The following PAM variants were observed in gnomAD, a reference collection of about 807,000 sequenced individuals.
PAM encodes peptidyl-glycine alpha-amidating monooxygenase.
A neutral mutation model predicts 122.1 loss-of-function variants in PAM; 72 were observed. The ratio of observed to expected loss-of-function variants is 0.59; its 90% CI spans 0.49 to 0.72. The LOEUF (loss-of-function observed/expected upper bound fraction) is 0.72, where lower values mean the gene tolerates loss of function less well. PAM is among the 30% of genes least tolerant of loss of function. PAM has a pLI of 0.00. For synonymous variants in PAM, 389 were observed against 404.4 expected (o/e 0.96, Z 0.46); for missense variants, 1,106 against 1,183.7 (o/e 0.93, Z 0.96).
chr5:102,756,163 T>C (rs79258277), intron 1 of PAM, among the ~76,000 whole-genome samples: 4,369 of 152,298 alleles, frequency 0.029, 109 homozygotes, highest in East Asian at 0.14. Flanking sequence ...TACGTGATTT[T>C]GAGCACGGTC....
At chr5:102,791,223 A>C (rs1354673871) in intron 1 of PAM, among the ~76,000 whole-genome samples, 1 of 152,062 alleles carries the variant, frequency 6.6e-6, no homozygotes, top group African/African-American at 2.4e-5. Context: ...ACTTTCTTAA[A>C]ATAAATTTCT....
At chr5:102,881,129 T>TATACACACACACAC (rs145380302) in intron 3 of PAM, among the ~76,000 whole-genome samples, 12 of 145,710 alleles carry the variant, frequency 8.2e-5, no homozygotes, top group African/African-American at 3.1e-4. Flanking sequence ...TTTTTATACA[T>TATACACACACACAC]ACACACACAC....
At chr5:103,021,108 T>C (rs2151295042) in intron 23 of PAM, among the ~76,000 whole-genome samples, 1 of 152,304 alleles carries the variant, frequency 6.6e-6, no homozygotes, top group East Asian at 1.9e-4. Context: ...ATTTAATCCT[T>C]ATGCCAACCA....
chr5:102,994,326 T>G (rs541333658), intron 16 of PAM, among the ~76,000 whole-genome samples: 4 of 152,290 alleles, frequency 2.6e-5, no homozygotes, highest in Admixed American at 2.0e-4. Context: ...TAATACAGGA[T>G]TAATTTATTC....
At chr5:102,904,340 C>G (rs1798900667) in intron 4 of PAM, among the ~76,000 whole-genome samples, 1 of 150,916 alleles carries the variant, frequency 6.6e-6, no homozygotes, top group African/African-American at 2.4e-5. Flanking sequence ...GATTTTATAC[C>G]TTCTGTTTTC....
rs553493423 is a variant in PAM, at chr5:102,812,849, T to C, written c.-373-52974T>C. Among the ~76,000 whole-genome samples, 154 of 152,220 alleles carry C rather than the reference T, an allele frequency of 1.0e-3. 1 individual carries two copies. The highest frequency in any genetic ancestry group is 3.5e-3 in the African/African-American group (145 of 41,576). Reference sequence around the variant, plus strand: ...CAAAAATACCTCCATAAATAAAATATACATTTAGTTATTTCTTTATGTACA... The same window carrying C: ...CAAAAATACCTCCATAAATAAAATACACATTTAGTTATTTCTTTATGTACA... On this transcript the variant is annotated intron_variant, in intron 1 of 25. Transcript: ENST00000438793.
intron 1 of PAM, among the ~76,000 whole-genome samples, chr5:102,859,846 T>C (rs1397634727): frequency 1.3e-5 from 2 of 152,194 alleles, no homozygotes; most frequent in African/African-American, 4.8e-5. Context: ...AGCATTATGT[T>C]TGAGTTGTTT....
At chr5:103,017,635 C>T (rs1292230438) in intron 22 of PAM, among the ~76,000 whole-genome samples, 1 of 152,090 alleles carries the variant, frequency 6.6e-6, no homozygotes, top group African/African-American at 2.4e-5. Flanking sequence ...CCCTTGTTTC[C>T]ACAGGAAATT....
chr5:102,997,903 G>A (rs1776208897), intron 16 of PAM, among the ~76,000 whole-genome samples: 2 of 152,130 alleles, frequency 1.3e-5, no homozygotes, highest in South Asian at 2.1e-4. Context: ...TGACCTGACT[G>A]GCACAAGGAC....
intron 4 of PAM, among the ~76,000 whole-genome samples, chr5:102,904,100 C>G (rs1798819018): frequency 6.6e-6 from 1 of 151,374 alleles, no homozygotes; most frequent in Non-Finnish European, 1.5e-5. Context: ...ATAGGGTAGC[C>G]TATGCTTTTT....
At chr5:102,984,083 G>T (rs1770894949) in intron 15 of PAM, among the ~76,000 whole-genome samples, 1 of 152,012 alleles carries the variant, frequency 6.6e-6, no homozygotes, top group Non-Finnish European at 1.5e-5. Flanking sequence ...AAATTCAGTG[G>T]CAGAGCAGAC....
chr5:103,017,362 C>T lies in PAM; in HGVS notation c.2360C>T (p.Ala787Val). ...KHFDMPHDIV[A>V]SEDGTVYIGD... ...TTTGATATGCCTCATGATATTGTTG[C>T]ATCTGAAGATGGGACTGTGTACATT... The change falls in exon 22 of 26, where the codon GCA becomes GTA. Residue 787 changes from alanine to valine, a missense_variant. By Grantham distance (64) the Ala-to-Val change is moderately conservative. Around this residue, in one of 3 missense-constraint regions of PAM, gnomAD observed 333 missense variants for 335.6 expected, o/e 0.99. Transcript: ENST00000438793. 3 of 1,611,206 alleles carry T rather than the reference C, an allele frequency of 1.9e-6. No individual in the cohort carries two copies. The highest frequency in any genetic ancestry group is 2.5e-6 in the Non-Finnish European group (3 of 1,177,528).
At chr5:102,960,643 A>G (rs1213006556) in intron 13 of PAM, among the ~76,000 whole-genome samples, 1 of 151,192 alleles carries the variant, frequency 6.6e-6, no homozygotes, top group Non-Finnish European at 1.5e-5. Context: ...TGCAAAGTCT[A>G]CTCCTTGTTT....
chr5:102,822,942 C>A (rs40491), intron 1 of PAM, among the ~76,000 whole-genome samples: 1 of 151,960 alleles, frequency 6.6e-6, no homozygotes, highest in Admixed American at 6.6e-5. Context: ...GGCCCTCCCC[C>A]ACCCTCTATG....
chr5:102,756,928 C>T (rs1253397185), intron 1 of PAM, among the ~76,000 whole-genome samples: 1 of 152,142 alleles, frequency 6.6e-6, no homozygotes, highest in Admixed American at 6.5e-5. Context: ...TCCAAGGTAA[C>T]TTAAAGACTA....
At chr5:102,989,122 CAT>C (rs1293256864) in intron 15 of PAM, among the ~76,000 whole-genome samples, 2 of 152,146 alleles carry the variant, frequency 1.3e-5, no homozygotes, top group Non-Finnish European at 2.9e-5. Flanking sequence ...CAATAGCTTT[CAT>C]AGTCATCTTC....
intron 1 of PAM, among the ~76,000 whole-genome samples, chr5:102,760,312 T>A (rs75920613): frequency 0.029 from 4,364 of 152,270 alleles, 110 homozygotes; most frequent in East Asian, 0.14. Flanking sequence ...ATGCTGATAC[T>A]ACTGCTACTG....
intron 1 of PAM, among the ~76,000 whole-genome samples, chr5:102,756,798 A>G (rs1580692852): frequency 1.3e-5 from 2 of 152,140 alleles, no homozygotes; most frequent in African/African-American, 4.8e-5. Context: ...TTGATATTAA[A>G]TGGTAAGCCC....
intron 7 of PAM, among the ~76,000 whole-genome samples, chr5:102,933,180 C>T (rs528397346): frequency 6.6e-5 from 10 of 152,308 alleles, no homozygotes; most frequent in African/African-American, 2.4e-4. Context: ...GGATTGATAT[C>T]ATATAGGCAC....
Sources: allele counts gnomAD v4.1 joint callset (sites outside exome capture counted in the v4.1 genomes callset), GRCh38; gene constraint gnomAD v4.1.1; regional missense constraint gnomAD v4.1.1; transcripts MANE v1.5; gene names NCBI Gene and HGNC (gene_info 2026-07-23, HGNC 2026-07-21).